Variants in SLC1A4 observed in about 807,000 individuals in gnomAD.
SLC1A4 encodes solute carrier family 1 member 4, also known as neutral amino acid transporter A.
Under a neutral mutation model 37.7 loss-of-function variants are expected in SLC1A4, and 19 were observed. The ratio of observed to expected loss-of-function variants is 0.50; its 90% CI spans 0.35 to 0.74. SLC1A4 has a LOEUF of 0.74. SLC1A4 is among the 30% of genes least tolerant of loss of function. The probability of loss-of-function intolerance (pLI) is 0.01; values close to 1 mark genes in which losing one functional copy is unlikely to be tolerated. For synonymous variants in SLC1A4, 299 were observed against 309.8 expected, an observed-to-expected ratio of 0.97 and a Z score of 0.37; for missense variants, 570 against 712.9, an observed-to-expected ratio of 0.80 and a Z score of 2.28.
intron 1 of SLC1A4, among the ~76,000 whole-genome samples, chr2:64,997,126 G>T (rs1424609261): frequency 6.6e-6 from 1 of 152,058 alleles, no homozygotes; most frequent in Non-Finnish European, 1.5e-5. Flanking sequence ...GTGGCAAGCA[G>T]AGGATGAAAG....
rs140402535 is a variant in SLC1A4, at chr2:65,003,962, G to A, written c.580G>A (p.Asp194Asn). 105 of 1,613,650 alleles carry A rather than the reference G, an allele frequency of 6.5e-5. No homozygotes were observed. The highest frequency in any genetic ancestry group is 1.2e-4 in the African/African-American group (9 of 74,860). Reference sequence around the variant, plus strand: ...TTCCTCTTGATCACAGTATGCAACCGATTATAAAGTCGTGACCCAGAACAG... The same window carrying A: ...TTCCTCTTGATCACAGTATGCAACCAATTATAAAGTCGTGACCCAGAACAG... ...VVAAFRTYATDYKVVTQNSSS... is the reference protein window; with the variant it reads ...VVAAFRTYATNYKVVTQNSSS... Residue 194 changes from aspartate (D) to asparagine (N), a missense_variant, in exon 3 of 8, where the codon GAT becomes AAT. By Grantham distance (23) the Asp-to-Asn change is conservative (BLOSUM62 1). Transcript: ENST00000234256.
chr2:64,992,239 A>C (rs1673086706), intron 1 of SLC1A4, among the ~76,000 whole-genome samples: 1 of 152,136 alleles, frequency 6.6e-6, no homozygotes, highest in Non-Finnish European at 1.5e-5. Flanking sequence ...CCTCAATAGG[A>C]TCTTTTAACT....
At chr2:65,004,073 C>A (rs1303128908) in intron 3 of SLC1A4, 58 bp downstream of exon 3, 1 of 1,424,380 alleles carries the variant, frequency 7.0e-7, no homozygotes, top group Non-Finnish European at 9.9e-7. Flanking sequence ...CTTATTTCTT[C>A]TTTGAAGGAG....
In SLC1A4 at chr2:65,016,563, T is replaced by G; in HGVS notation, c.924T>G (p.His308Gln). 4.3e-6 allele frequency: 7 copies of G among 1,614,232 alleles called. No individual in the cohort carries two copies. Among genetic ancestry groups the G allele is most frequent in the Non-Finnish European group, 5.9e-6 (7 of 1,180,022 alleles). Reference sequence around the variant, plus strand: ...CATCTATATTGGGCCATGTTATTCATGGAGGAATTGTTCTGCCACTTATTT... The same window carrying G: ...CATCTATATTGGGCCATGTTATTCAGGGAGGAATTGTTCTGCCACTTATTT... ...IFASILGHVI[H>Q]GGIVLPLIYF... is the part of the protein sequence containing the mutation. The change falls in exon 5 of 8, where the codon CAT becomes CAG. Residue 308 changes from histidine to glutamine, a missense_variant. His to Gln is a conservative substitution (Grantham distance 24). Coordinates refer to ENST00000234256, the MANE Select transcript of SLC1A4 (RefSeq NM_003038.5).
At chr2:65,020,502 A>C (rs1297990612) in intron 7 of SLC1A4, among the ~76,000 whole-genome samples, 1 of 152,176 alleles carries the variant, frequency 6.6e-6, no homozygotes, top group Admixed American at 6.5e-5. Flanking sequence ...CCTGGCCTTA[A>C]ACAGTCCTCC....
At chr2:64,988,903 A>C (rs1672910495), upstream of SLC1A4, among the ~76,000 whole-genome samples, 1 of 151,710 alleles carries the variant, frequency 6.6e-6, no homozygotes, top group African/African-American at 2.4e-5. Flanking sequence ...CACCCGGGAG[A>C]GAGGGATCCT....
chr2:64,991,593 T>TTGTTTG (rs1553370741), intron 1 of SLC1A4, among the ~76,000 whole-genome samples: 1 of 143,406 alleles, frequency 7.0e-6, no homozygotes, highest in Non-Finnish European at 1.5e-5. Context: ...ACACCCAGCT[T>TTGTTTG]TTTGTTTGTT....
At chr2:65,002,253 C>T (rs1673488979) in intron 2 of SLC1A4, among the ~76,000 whole-genome samples, 1 of 138,580 alleles carries the variant, frequency 7.2e-6, no homozygotes, top group Non-Finnish European at 1.6e-5. Flanking sequence ...GTACTCCAGC[C>T]TGGGCAGCAG....
In SLC1A4 at chr2:65,018,042, G is replaced by A. The variant is rs1166408356; in HGVS notation, c.1035-29G>A. On this transcript the variant is annotated intron_variant, in intron 5 of 7. Coordinates refer to ENST00000234256, the MANE Select transcript of SLC1A4 (RefSeq NM_003038.5). This position sits in a 1 kb window ranked among gnomAD's most constrained non-coding sequence, Gnocchi z 4.3. ...TTAGCCTGCCTCGGACTGTTGTCATGTCTGGCGGTTTGTTTTTCCCATTTC... is the reference window on the plus strand; with the variant it reads ...TTAGCCTGCCTCGGACTGTTGTCATATCTGGCGGTTTGTTTTTCCCATTTC... The A allele has an allele frequency of 3.7e-6, 6 of 1,604,338 alleles. No individual in the cohort carries two copies. In the Admixed American group the frequency reaches 1.0e-4, roughly 27 times the overall value.
intron 1 of SLC1A4, chr2:64,999,304 C>G (rs187812216): frequency 6.6e-6 from 1 of 152,280 alleles, no homozygotes; most frequent in East Asian, 1.9e-4. Flanking sequence ...CTCTGGTATT[C>G]TCTAAATATG....
At chr2:65,009,878 ACT>A (rs904823915) in intron 3 of SLC1A4, among the ~76,000 whole-genome samples, 2 of 152,002 alleles carry the variant, frequency 1.3e-5, no homozygotes, top group African/African-American at 4.8e-5. Context: ...TCACAACAAA[ACT>A]CTGTGGATAT....
rs1185921231 is a variant in SLC1A4 at position 64,990,097 on chromosome 2, G to A, written c.454G>A (p.Asp152Asn). The A allele has an allele frequency of 1.9e-6, 3 of 1,610,410 alleles. No individual in the cohort carries two copies. Among genetic ancestry groups the A allele is most frequent in the Non-Finnish European group, 1.7e-6 (2 of 1,178,636 alleles). ...GSGAQTLQSS[D>N]LGLEDSGPPP... ...CGGTGCGCAGACCCTTCAGTCCAGC[G>A]ACCTGGGGCTGGAGGACTCGGGGCC... The change falls in exon 1 of 8, where the codon GAC becomes AAC. Residue 152 changes from aspartate to asparagine, a missense_variant. Coordinates refer to ENST00000234256, the MANE Select transcript of SLC1A4 (RefSeq NM_003038.5).
chr2:64,993,143 C>G (rs539556972), intron 1 of SLC1A4, among the ~76,000 whole-genome samples: 2 of 152,186 alleles, frequency 1.3e-5, no homozygotes, highest in African/African-American at 4.8e-5. Context: ...CAGGCCCTCT[C>G]GAGGTAGCTG....
intron 1 of SLC1A4, among the ~76,000 whole-genome samples, chr2:64,998,001 A>AG (rs1298784149): frequency 1.3e-5 from 2 of 152,202 alleles, no homozygotes; most frequent in East Asian, 3.9e-4. Context: ...TGGGAGGCTG[A>AG]GGGGGGCAGA....
At chr2:64,989,267 G>T, upstream of SLC1A4, 1 of 146,678 alleles carries the variant, frequency 6.8e-6, no homozygotes. Flanking sequence ...GGCTCCCGGC[G>T]GCGGCTCCCG....
chr2:64,990,373 G>A (rs1235050299), intron 1 of SLC1A4, among the ~76,000 whole-genome samples: 2 of 152,190 alleles, frequency 1.3e-5, no homozygotes, highest in African/African-American at 4.8e-5. Context: ...GGGGCGCACC[G>A]CACAATCGAA....
chr2:65,008,908 T>TA (rs1673792432), intron 3 of SLC1A4, among the ~76,000 whole-genome samples: 1 of 152,226 alleles, frequency 6.6e-6, no homozygotes, highest in African/African-American at 2.4e-5. Context: ...ACAAAGACGT[T>TA]AAGTAACTTA....
intron 3 of SLC1A4, among the ~76,000 whole-genome samples, chr2:65,006,012 A>T (rs1377812930): frequency 2.0e-5 from 3 of 152,044 alleles, no homozygotes; most frequent in African/African-American, 4.8e-5. Context: ...AAATAAATAA[A>T]TAGAAAGAAA....
intron 2 of SLC1A4, among the ~76,000 whole-genome samples, chr2:65,003,554 A>G (rs757159160): frequency 3.9e-5 from 6 of 152,260 alleles, no homozygotes; most frequent in Non-Finnish European, 8.8e-5. Context: ...GAATGGAAAT[A>G]AAATGATACA....
Sources: gnomAD v4.1 joint callset for allele counts (sites outside exome capture counted in the v4.1 genomes callset) on GRCh38, gnomAD v4.1.1 for gene constraint, Gnocchi (gnomAD v3.1) non-coding constraint, MANE v1.5 for transcripts, NCBI Gene and HGNC (gene_info 2026-07-23, HGNC 2026-07-21) for gene names.